RDH12: variants seen among roughly 807,000 people sequenced by gnomAD.
The protein encoded by RDH12 is all-trans and 9-cis retinol dehydrogenase.
Under a neutral mutation model 34.0 loss-of-function variants are expected in RDH12, and 21 were observed. The ratio of observed to expected loss-of-function variants is 0.62; its 90% CI spans 0.44 to 0.89. The LOEUF is 0.89. Among genes scored for constraint, RDH12 ranks in the 40% least tolerant of loss-of-function variants. RDH12 has a pLI of 0.00. For synonymous variants in RDH12, 198 were observed against 169.9 expected (o/e 1.17, Z -1.29); for missense variants, 394 against 398.6 (o/e 0.99, Z 0.10).
Position 67,733,889 on chromosome 14 carries a change from C to A in RDH12, c.*41C>A. 2.1e-6 allele frequency: 3 copies of A among 1,451,386 alleles called. No homozygotes were observed. Among genetic ancestry groups the A allele is most frequent in the South Asian group, 1.1e-5 (1 of 87,442 alleles). 89.9% of individuals were successfully genotyped at this position (1,451,386 alleles called of 1,614,324 possible). ...CAGCTTTATCAGGCCCAATCCATGC[C>A]ATAATGAACAGGGACCAAGGAGAAG... On this transcript the variant is annotated 3_prime_UTR_variant, in exon 9 of 9. Transcript: ENST00000551171.
At chr14:67,711,914 AG>A (rs1329866749) in intron 1 of RDH12, among the ~76,000 whole-genome samples, 1 of 152,184 alleles carries the variant, frequency 6.6e-6, no homozygotes, top group East Asian at 1.9e-4. Context: ...TTATTTAGAT[AG>A]GGACTACCTA....
intron 1 of RDH12, chr14:67,714,535 A>T (rs954903285): frequency 1.9e-5 from 3 of 158,012 alleles, no homozygotes; most frequent in Non-Finnish European, 4.2e-5. Flanking sequence ...TCTTCCAGTT[A>T]TTCTCCAAAA....
intron 1 of RDH12, among the ~76,000 whole-genome samples, chr14:67,703,758 C>T (rs1340585849): frequency 6.6e-6 from 1 of 152,114 alleles, no homozygotes; most frequent in Non-Finnish European, 1.5e-5. Flanking sequence ...TCATTGCAAC[C>T]TCTCTCTCCT....
At position 67,726,109 on chromosome 14, in the gene RDH12, C is replaced by T. The variant is rs1406168594; in HGVS notation, c.402C>T (p.Ser134=). 6.2e-7 allele frequency: 1 copy of T among 1,613,992 alleles called. No homozygotes were observed. ...NNAGVMMCPY[S]KTADGFETHL... ...CGGGAGTAATGATGTGTCCATATTC[C>T]AAGACAGCTGATGGCTTTGAAACCC... The change falls in exon 6 of 9, where the codon TCC becomes TCT. Residue 134 remains serine, a synonymous_variant. Transcript: ENST00000551171.
chr14:67,716,039 CA>C (rs1353711219), intron 1 of RDH12, among the ~76,000 whole-genome samples: 1 of 151,342 alleles, frequency 6.6e-6, no homozygotes, highest in Admixed American at 6.6e-5. Flanking sequence ...ACTAAAAATA[CA>C]AAAAAAATTA....
chr14:67,732,805 T>G (rs2038300185), intron 8 of RDH12, among the ~76,000 whole-genome samples: 1 of 152,186 alleles, frequency 6.6e-6, no homozygotes, highest in Admixed American at 6.5e-5. Context: ...GCTCTTGAAC[T>G]CCTGACCTCA....
chr14:67,729,145 G>T, intron 7 of RDH12, 46 bp from the exon 8 acceptor site: 1 of 1,589,164 alleles, frequency 6.3e-7, no homozygotes. Flanking sequence ...CTGTTTTCCT[G>T]GGCTCAGAGT....
At chr14:67,705,541 G>T (rs2037941685) in intron 1 of RDH12, among the ~76,000 whole-genome samples, 1 of 152,188 alleles carries the variant, frequency 6.6e-6, no homozygotes, top group African/African-American at 2.4e-5. Context: ...TAAATGCAAT[G>T]TGGGGTCCTG....
chr14:67,715,488 A>G (rs1446398742), intron 1 of RDH12, among the ~76,000 whole-genome samples: 2 of 152,240 alleles, frequency 1.3e-5, no homozygotes, highest in African/African-American at 2.4e-5. Context: ...AGCTTTGCAC[A>G]GCTTTGCCCC....
intron 2 of RDH12, among the ~76,000 whole-genome samples, chr14:67,721,286 C>T (rs961312408): frequency 2.6e-5 from 4 of 152,094 alleles, no homozygotes; most frequent in Non-Finnish European, 5.9e-5. Context: ...TCCCACTTAC[C>T]CTTCTCCCAT....
intron 1 of RDH12, among the ~76,000 whole-genome samples, chr14:67,712,738 C>T (rs1394841875): frequency 6.6e-6 from 1 of 152,052 alleles, no homozygotes; most frequent in Non-Finnish European, 1.5e-5. Flanking sequence ...AGGAACCAAA[C>T]CTAGGCTGTT....
Position 67,733,997 on chromosome 14 carries a change from T to G in RDH12, c.*149T>G. ...GATCCTCTTGACCCTTCTGGGAATG[T>G]TTGCACACCTGACACTCTTGTGAGA... is the stretch of plus-strand genomic sequence containing the variant. On this transcript the variant is annotated 3_prime_UTR_variant, in exon 9 of 9. Coordinates refer to ENST00000551171, the MANE Select transcript of RDH12 (RefSeq NM_152443.3). 2 of 626,248 alleles carry G rather than the reference T, an allele frequency of 3.2e-6. No homozygotes were observed. The highest frequency in any genetic ancestry group is 5.9e-6 in the Non-Finnish European group (2 of 336,392). The allele number at this position is 626,248 out of a possible 1,614,324, so 38.8% of individuals were successfully genotyped here.
rs1453486367 is a variant in RDH12 at position 67,727,084 on chromosome 14, C to T, written c.552C>T (p.Pro184=). ...SSVAHHIGKI[P]FHDLQSEKRY... The stretch of plus-strand genomic sequence containing the variant: ...TGGCTCACCACATTGGCAAGATTCC[C>T]TTCCACGACCTCCAGAGCGAGAAGC... Residue 184 remains proline, a synonymous_variant, in exon 7 of 9, where the codon CCC becomes CCT. Coordinates refer to ENST00000551171, the MANE Select transcript of RDH12 (RefSeq NM_152443.3). The T allele has an allele frequency of 3.1e-6, 5 of 1,614,180 alleles. No individual in the cohort carries two copies. Among genetic ancestry groups the T allele is most frequent in the South Asian group, 1.1e-5 (1 of 91,076 alleles).
chr14:67,726,838 A>G, intron 6 of RDH12, 143 bp from the exon 7 acceptor site: 1 of 730,080 alleles, frequency 1.4e-6, no homozygotes, highest in East Asian at 2.7e-5. Context: ...CTCAGACCAA[A>G]CTGACCATTA....
chr14:67,705,703 G>A (rs1315044087), intron 1 of RDH12, among the ~76,000 whole-genome samples: 2 of 152,150 alleles, frequency 1.3e-5, no homozygotes, highest in Non-Finnish European at 2.9e-5. Flanking sequence ...ATTTGGGGAA[G>A]CTGAGTGAAA....
chr14:67,722,784 A>G (rs1477967607), intron 3 of RDH12, 74 bp downstream of exon 3: 2 of 1,247,786 alleles, frequency 1.6e-6, no homozygotes, highest in African/African-American at 3.0e-5. Flanking sequence ...AGCTGCTGAA[A>G]GAAGAGAAAG....
chr14:67,716,435 A>G (rs905085512), intron 1 of RDH12, among the ~76,000 whole-genome samples: 1 of 152,236 alleles, frequency 6.6e-6, no homozygotes, highest in African/African-American at 2.4e-5. Flanking sequence ...AAAAAAGTGA[A>G]TATGGCAATT....
intron 1 of RDH12, chr14:67,717,775 G>A (rs1186092026): frequency 6.6e-6 from 1 of 152,216 alleles, no homozygotes; most frequent in Non-Finnish European, 1.5e-5. Flanking sequence ...GGCTCAAAAT[G>A]TCAATAGGCT....
At chr14:67,718,606 G>A (rs1366298415) in intron 1 of RDH12, among the ~76,000 whole-genome samples, 2 of 152,344 alleles carry the variant, frequency 1.3e-5, no homozygotes, top group Non-Finnish European at 2.9e-5. Flanking sequence ...TCTCAAAGGT[G>A]TTGCAAGTGA....
Sources: gnomAD v4.1 joint callset for allele counts (sites outside exome capture counted in the v4.1 genomes callset) on GRCh38, gnomAD v4.1.1 for gene constraint, MANE v1.5 for transcripts, NCBI Gene and HGNC (gene_info 2026-07-23, HGNC 2026-07-21) for gene names.